ALDH7A1: variants seen among roughly 807,000 people sequenced by gnomAD.
The protein encoded by ALDH7A1 is aldehyde dehydrogenase 7 family member A1.
In ALDH7A1, 63 loss-of-function variants were observed where a neutral mutation model predicts 79.9. That is an observed-to-expected ratio of 0.79 (90% CI 0.64 to 0.97). The LOEUF (loss-of-function observed/expected upper bound fraction) is 0.97, where lower values mean the gene tolerates loss of function less well. Among genes scored for constraint, ALDH7A1 ranks in the 50% least tolerant of loss-of-function variants. The pLI, the probability that ALDH7A1 is intolerant of heterozygous loss-of-function variation, is 0.00. For synonymous variants in ALDH7A1, 240 were observed against 231.2 expected (o/e 1.04, Z -0.34); for missense variants, 627 against 665.2 (o/e 0.94, Z 0.63).
At chr5:126,590,597 T>A (rs909334920) in intron 3 of ALDH7A1, among the ~76,000 whole-genome samples, 1 of 151,782 alleles carries the variant, frequency 6.6e-6, no homozygotes, top group African/African-American at 2.4e-5. Context: ...TTAAAAAAAA[T>A]TATGCAGCTG....
At chr5:126,574,017 C>G (rs927418486) in intron 7 of ALDH7A1, among the ~76,000 whole-genome samples, 5 of 106,656 alleles carry the variant, frequency 4.7e-5, no homozygotes, top group Admixed American at 1.0e-4. Context: ...GCAACAAAGA[C>G]TGTCTCAAAA....
chr5:126,546,432 G>A (rs779752423), intron 16 of ALDH7A1, 33 bp from the exon 17 acceptor site: 7 of 1,602,740 alleles, frequency 4.4e-6, no homozygotes, highest in Non-Finnish European at 3.4e-6. Flanking sequence ...CATATCTTCT[G>A]AGCAGTTTCC....
At chr5:126,571,283 G>A in intron 7 of ALDH7A1, 1 of 226,532 alleles carries the variant, frequency 4.4e-6, no homozygotes, top group Non-Finnish European at 8.7e-6. Context: ...TTCAACACCA[G>A]CCTGGCCAAC....
chr5:126,555,790 T>A, intron 12 of ALDH7A1, 141 bp downstream of exon 12: 1 of 692,308 alleles, frequency 1.4e-6, no homozygotes, highest in Admixed American at 2.1e-5. Flanking sequence ...GCAGACACGA[T>A]ACACCAAAGC....
At chr5:126,545,876 G>A (rs1042287548) in intron 17 of ALDH7A1, among the ~76,000 whole-genome samples, 1 of 150,378 alleles carries the variant, frequency 6.6e-6, no homozygotes, top group African/African-American at 2.5e-5. Flanking sequence ...ACTTTGAGAG[G>A]CCGAGGCAGG....
Position 126,544,832 on chromosome 5 carries a change from G to A in ALDH7A1, c.*133C>T. On this transcript the variant is annotated 3_prime_UTR_variant, in exon 18 of 18. Transcript: ENST00000409134. ...ATCTCTTGATTTAATCAGGGCTTTG[G>A]GGTCATAGGGGGATTAGTCACTGTC... is the stretch of plus-strand genomic sequence containing the variant. 1.4e-6 allele frequency: 1 copy of A among 731,350 alleles called. No homozygotes were observed. The highest frequency in any genetic ancestry group is 2.4e-6 in the Non-Finnish European group (1 of 411,664). The allele number at this position is 731,350 out of a possible 1,614,324, so 45.3% of individuals were successfully genotyped here.
chr5:126,582,204 G>C (rs747174204), intron 5 of ALDH7A1: 12 of 398,078 alleles, frequency 3.0e-5, no homozygotes, highest in Non-Finnish European at 5.3e-5. Flanking sequence ...TACTTCCATG[G>C]GGTACTATGG....
chr5:126,551,626 T>C (rs1278642672), intron 14 of ALDH7A1, among the ~76,000 whole-genome samples: 2 of 152,104 alleles, frequency 1.3e-5, no homozygotes, highest in African/African-American at 4.8e-5. Flanking sequence ...CCTGGCCAAC[T>C]ATAGGTCTTT....
chr5:126,545,621 A>G (rs1050970335), intron 17 of ALDH7A1, among the ~76,000 whole-genome samples: 1 of 149,352 alleles, frequency 6.7e-6, no homozygotes, highest in Non-Finnish European at 1.5e-5. Context: ...CCCGGTCTCT[A>G]CTAAAAATGC....
intron 7 of ALDH7A1, among the ~76,000 whole-genome samples, chr5:126,573,116 C>CAAAAAAAAAAAAAAAAAAAAAATTAAAAA (rs11290126): frequency 1.1e-5 from 1 of 95,212 alleles, no homozygotes; most frequent in Non-Finnish European, 2.1e-5. Flanking sequence ...CCATTTAAAG[C>CAAAAAAAAAAAAAAAAAAAAAATTAAAAA]AAAAAAAAAA....
chr5:126,552,677 G>A (rs1750042327), intron 13 of ALDH7A1, among the ~76,000 whole-genome samples: 1 of 152,062 alleles, frequency 6.6e-6, no homozygotes, highest in Non-Finnish European at 1.5e-5. Flanking sequence ...GATTACAGGT[G>A]TGAGTCAACA....
Position 126,555,978 on chromosome 5 carries a change from C to G in ALDH7A1, c.1046G>C (p.Arg349Thr), listed in dbSNP as rs553114356. 5.2e-5 allele frequency: 84 copies of G among 1,613,466 alleles called. No homozygotes were observed. Among genetic ancestry groups the G allele is most frequent in the Middle Eastern group, 4.9e-4 (3 of 6,078 alleles). The stretch of plus-strand genomic sequence containing the variant: ...GATCTGTGCATAGGCCTTTTTAAGT[C>G]TGTTTACAACCTCATCATGGATGCT... ...HESIHDEVVNRLKKAYAQIRV... is the reference protein window; with the variant it reads ...HESIHDEVVNTLKKAYAQIRV... Residue 349 changes from arginine (R) to threonine (T), a missense_variant, in exon 12 of 18, where the codon AGA (arginine) becomes ACA (threonine). Physicochemically the swap from Arg to Thr is moderately conservative, Grantham distance 71. Transcript: ENST00000409134.
rs1447123671 is a variant in ALDH7A1 at position 126,541,986 on chromosome 5, C to T, written c.*2979G>A. On this transcript the variant is annotated 3_prime_UTR_variant, in exon 18 of 18. Transcript: ENST00000409134. ...CCAATAGAAAAAAAAAAAGAGCAAA[C>T]TCTAACTGCCTACAACATTTTAAAT... 6.8e-6 allele frequency: 1 copy of T among 146,242 alleles called. No homozygotes were observed. The highest frequency in any genetic ancestry group is 2.0e-4 in the East Asian group (1 of 4,970). The allele number at this position is 146,242 out of a possible 1,614,324, so 9.1% of individuals were successfully genotyped here.
At chr5:126,553,741 G>A (rs1012171617) in intron 13 of ALDH7A1, among the ~76,000 whole-genome samples, 2 of 151,896 alleles carry the variant, frequency 1.3e-5, no homozygotes, top group Admixed American at 6.6e-5. Context: ...TAGTCCAGGA[G>A]GAAGAGGGTG....
intron 5 of ALDH7A1, among the ~76,000 whole-genome samples, chr5:126,579,148 T>C (rs1282273130): frequency 6.6e-6 from 1 of 152,244 alleles, no homozygotes; most frequent in Non-Finnish European, 1.5e-5. Context: ...ACAAAATCTC[T>C]TCCCGAGGTT....
Position 126,542,298 on chromosome 5 carries a change from G to C in ALDH7A1, c.*2667C>G, listed in dbSNP as rs910764989. 14 of 149,306 alleles carry C rather than the reference G, an allele frequency of 9.4e-5. No homozygotes were observed. Among genetic ancestry groups the C allele is most frequent in the African/African-American group, 3.4e-4 (13 of 38,744 alleles). The allele number at this position is 149,306 out of a possible 1,614,324, so 9.2% of individuals were successfully genotyped here. ...ACAAGAAAATGGTCTGAAAGTGCCA[G>C]GGAAGAGAAGAGGAAGGACACAGAG... On this transcript the variant is annotated 3_prime_UTR_variant, in exon 18 of 18. Transcript: ENST00000409134.
chr5:126,554,503 A>G (rs1483691807), intron 12 of ALDH7A1, 110 bp from the exon 13 acceptor site: 1 of 831,904 alleles, frequency 1.2e-6, no homozygotes, highest in East Asian at 2.5e-5. Flanking sequence ...TATGCTCTCA[A>G]TTGAGAACAT....
intron 3 of ALDH7A1, among the ~76,000 whole-genome samples, chr5:126,589,399 C>T (rs1011004468): frequency 1.2e-4 from 18 of 151,974 alleles, no homozygotes; most frequent in East Asian, 1.9e-4. Flanking sequence ...TCAGGTGATC[C>T]GCCCACTTGG....
At chr5:126,592,381 A>T (rs1751581445) in intron 3 of ALDH7A1, 1 of 403,002 alleles carries the variant, frequency 2.5e-6, no homozygotes, top group African/African-American at 2.0e-5. Flanking sequence ...AATTTCAGTG[A>T]AGAATAGTGT....
Sources: allele counts gnomAD v4.1 joint callset (sites outside exome capture counted in the v4.1 genomes callset), GRCh38; gene constraint gnomAD v4.1.1; transcripts MANE v1.5; gene names NCBI Gene and HGNC (gene_info 2026-07-23, HGNC 2026-07-21).